ARNT2: variants seen among roughly 807,000 people sequenced by gnomAD.
The protein encoded by ARNT2 is ARNT protein 2.
ARNT2 carries 36 observed loss-of-function variants against 91.7 expected under a neutral mutation model. That is an observed-to-expected ratio of 0.39 (90% CI 0.30 to 0.52). ARNT2 has a LOEUF of 0.52. Ranked by LOEUF, ARNT2 falls within the 20% of genes least tolerant of loss-of-function variation. The probability of loss-of-function intolerance (pLI) is 0.72; values close to 1 mark genes in which losing one functional copy is unlikely to be tolerated. For synonymous variants in ARNT2, 365 were observed against 347.1 expected (o/e 1.05, Z -0.57); for missense variants, 775 against 939.3 (o/e 0.83, Z 2.29).
At chr15:80,496,972 C>T (rs1836536676) in intron 5 of ARNT2, among the ~76,000 whole-genome samples, 1 of 152,152 alleles carries the variant, frequency 6.6e-6, no homozygotes, top group East Asian at 1.9e-4. Context: ...ATGCGAGGCA[C>T]CCTGGACTAG....
chr15:80,457,830 A>C, intron 2 of ARNT2, 99 bp from the exon 3 acceptor site: 1 of 1,265,160 alleles, frequency 7.9e-7, no homozygotes, highest in Non-Finnish European at 1.1e-6. Context: ...AATGGATAGC[A>C]GTCCTAGTGA....
At chr15:80,433,182 C>T in intron 1 of ARNT2, among the ~76,000 whole-genome samples, 1 of 129,886 alleles carries the variant, frequency 7.7e-6, no homozygotes, top group African/African-American at 2.7e-5. Context: ...GTTGTGTAAA[C>T]AGCGGGTATG....
intron 3 of ARNT2, among the ~76,000 whole-genome samples, chr15:80,462,355 C>CGTGCTCAT: frequency 6.6e-6 from 1 of 152,232 alleles, no homozygotes; most frequent in African/African-American, 2.4e-5. Context: ...AATTATACAC[C>CGTGCTCAT]GTGCTCATCG....
chr15:80,514,482 AT>A (rs1288437357), intron 8 of ARNT2, 77 bp downstream of exon 8: 1 of 1,253,726 alleles, frequency 8.0e-7, no homozygotes, highest in East Asian at 2.3e-5. Context: ...TTAGAGAAGT[AT>A]TCTCATAGGA....
At chr15:80,545,846 A>G (rs745536931) in intron 8 of ARNT2, among the ~76,000 whole-genome samples, 69 of 152,198 alleles carry the variant, frequency 4.5e-4, no homozygotes, top group Non-Finnish European at 8.2e-4. Flanking sequence ...CCTGCTCAGG[A>G]CACTGTGCTT....
chr15:80,488,241 T>C lies in ARNT2; in HGVS notation c.622+13018T>C, dbSNP rs541992678. On this transcript the variant is annotated intron_variant, in intron 5 of 18. Transcript: ENST00000303329. ...GAGGGAGTAGGCGGTGAAAGTTCTC[T>C]TCAGTGGTTCAACATACATATTTTC... 2.0e-5 allele frequency among the ~76,000 whole-genome samples: 3 copies of C among 152,330 alleles called. No individual in the cohort carries two copies. The South Asian group carries it at 6.2e-4, about 32-fold the overall frequency.
At chr15:80,445,476 T>TG (rs774483427) in intron 1 of ARNT2, among the ~76,000 whole-genome samples, 1 of 148,490 alleles carries the variant, frequency 6.7e-6, no homozygotes, top group South Asian at 2.2e-4. Context: ...GTGACGTGTG[T>TG]GGGGGTGTGT....
In ARNT2 at chr15:80,544,933, C is replaced by T. The variant is rs186980789; in HGVS notation, c.878-6266C>T. ...TAAGGGCAAGTCCAGGACCAGCAGG[C>T]GAAATCTTCAAGGAGATAGATAGAC... On this transcript the variant is annotated intron_variant, in intron 8 of 18. Transcript: ENST00000303329. Among the ~76,000 whole-genome samples, 23 of 152,188 alleles carry T rather than the reference C, an allele frequency of 1.5e-4. 2 individuals are homozygous for T. The highest frequency in any genetic ancestry group is 2.0e-4 in the Admixed American group (3 of 15,296).
intron 11 of ARNT2, 74 bp downstream of exon 11, chr15:80,555,213 G>T: frequency 1.3e-6 from 2 of 1,503,704 alleles, no homozygotes; most frequent in Non-Finnish European, 1.8e-6. Context: ...CAGGACATTA[G>T]TCCTACTATG....
intron 11 of ARNT2, among the ~76,000 whole-genome samples, chr15:80,557,791 C>T (rs958328456): frequency 2.0e-5 from 3 of 152,162 alleles, no homozygotes; most frequent in African/African-American, 4.8e-5. Flanking sequence ...AACCAGATCA[C>T]CCCATCTCCC....
At chr15:80,412,494 T>TTG (rs1020380721) in intron 1 of ARNT2, among the ~76,000 whole-genome samples, 17 of 69,866 alleles carry the variant, frequency 2.4e-4, no homozygotes, top group Admixed American at 1.6e-3. Flanking sequence ...TTTCTAAATA[T>TTG]TGTGTGTGTG....
At chr15:80,491,835 T>G (rs1476922019) in intron 5 of ARNT2, among the ~76,000 whole-genome samples, 1 of 147,518 alleles carries the variant, frequency 6.8e-6, no homozygotes, top group Non-Finnish European at 1.5e-5. Flanking sequence ...TATAGGCATA[T>G]TCAGTTGTTC....
Position 80,469,434 on chromosome 15 carries a change from C to T in ARNT2, c.195-784C>T, listed in dbSNP as rs117653249. ...GTAAATTTGTAGCATTATTGGTCTA[C>T]TTAGTGACACAAAGAATGGTAAGAC... On this transcript the variant is annotated intron_variant, in intron 3 of 18. Transcript: ENST00000303329. 5.1e-3 allele frequency among the ~76,000 whole-genome samples: 779 copies of T among 151,816 alleles called. 4 individuals are homozygous for T. The highest frequency in any genetic ancestry group is 9.0e-3 in the Non-Finnish European group (611 of 67,966).
At chr15:80,418,303 C>T (rs1325613198) in intron 1 of ARNT2, among the ~76,000 whole-genome samples, 4 of 152,186 alleles carry the variant, frequency 2.6e-5, no homozygotes, top group Non-Finnish European at 4.4e-5. Context: ...GGAAGAGCCT[C>T]TAGGCCCTGC....
At chr15:80,586,469 G>A (rs1478619128) in intron 17 of ARNT2, among the ~76,000 whole-genome samples, 1 of 152,110 alleles carries the variant, frequency 6.6e-6, no homozygotes, top group African/African-American at 2.4e-5. Flanking sequence ...TACAAAGCTC[G>A]AGAAACACAT....
In ARNT2 at chr15:80,502,504, G is replaced by A. The variant is rs148837175; in HGVS notation, c.623-5652G>A. On this transcript the variant is annotated intron_variant, in intron 5 of 18. Coordinates refer to ENST00000303329, the MANE Select transcript of ARNT2 (RefSeq NM_014862.4). The stretch of plus-strand genomic sequence containing the variant: ...GAGGTGGGAAGACAACAGAAACAAA[G>A]GAGGGGTAGTAGGTGGACGAGGTGG... 4.4e-3 allele frequency among the ~76,000 whole-genome samples: 676 copies of A among 152,318 alleles called. 7 individuals are homozygous for A. Among genetic ancestry groups the A allele is most frequent in the African/African-American group, 0.016 (656 of 41,574 alleles).
At chr15:80,501,125 C>T (rs569436203) in intron 5 of ARNT2, among the ~76,000 whole-genome samples, 1 of 152,246 alleles carries the variant, frequency 6.6e-6, no homozygotes, top group South Asian at 2.1e-4. Context: ...TTATTTGATG[C>T]AGGAATGCCA....
rs115180985 is a variant in ARNT2, at chr15:80,589,692, C to T, written c.1919-1876C>T. On this transcript the variant is annotated intron_variant, in intron 17 of 18. Coordinates refer to ENST00000303329, the MANE Select transcript of ARNT2 (RefSeq NM_014862.4). ...GGAATTTCCTCGTAGCTCCAGCTGG[C>T]GATGCTACTGTTTTAACTTTGCCAC... is the stretch of plus-strand genomic sequence containing the variant. Among the ~76,000 whole-genome samples the T allele has an allele frequency of 2.1e-3, 318 of 152,244 alleles. 2 individuals carry two copies. The highest frequency in any genetic ancestry group is 6.2e-3 in the African/African-American group (259 of 41,540).
chr15:80,579,541 T>C (rs1318734885), intron 15 of ARNT2, among the ~76,000 whole-genome samples: 5 of 152,096 alleles, frequency 3.3e-5, no homozygotes, highest in Admixed American at 6.6e-5. Flanking sequence ...ACCAAAGCCT[T>C]CTGTGATGAG....
Sources: gnomAD v4.1 joint callset for allele counts (sites outside exome capture counted in the v4.1 genomes callset) on GRCh38, gnomAD v4.1.1 for gene constraint, MANE v1.5 for transcripts, NCBI Gene and HGNC (gene_info 2026-07-23, HGNC 2026-07-21) for gene names.